PLCL1: variants seen among roughly 807,000 people sequenced by gnomAD.
The protein encoded by PLCL1 is inactive phospholipase C-like protein 1.
In PLCL1, 41 loss-of-function variants were observed where a neutral mutation model predicts 84.4. That is an observed-to-expected ratio of 0.49 (90% CI 0.38 to 0.63). The LOEUF (loss-of-function observed/expected upper bound fraction) is 0.63. Among genes scored for constraint, PLCL1 ranks in the 30% least tolerant of loss-of-function variants. The probability of loss-of-function intolerance (pLI) is 0.00; values close to 1 mark genes in which losing one functional copy is unlikely to be tolerated. For missense variants in PLCL1, 1,206 were observed against 1,367.8 expected, an observed-to-expected ratio of 0.88 and a Z score of 1.87; for synonymous variants, 490 against 488.3, an observed-to-expected ratio of 1.00 and a Z score of -0.05.
At chr2:197,848,998 C>T (rs1288490836) in intron 1 of PLCL1, among the ~76,000 whole-genome samples, 1 of 152,028 alleles carries the variant, frequency 6.6e-6, no homozygotes, top group Non-Finnish European at 1.5e-5. Context: ...TATTTTATGC[C>T]CTAGGTGCTA....
At chr2:197,932,611 C>T in intron 1 of PLCL1, among the ~76,000 whole-genome samples, 1 of 152,154 alleles carries the variant, frequency 6.6e-6, no homozygotes, top group Non-Finnish European at 1.5e-5. Context: ...TAAGTGAGAA[C>T]ATGCAGTGTC....
intron 5 of PLCL1, among the ~76,000 whole-genome samples, chr2:198,119,099 A>C (rs1397789559): frequency 6.6e-6 from 1 of 152,004 alleles, no homozygotes; most frequent in East Asian, 1.9e-4. Flanking sequence ...GCTAGATCTT[A>C]ACTTTGATTG....
At chr2:198,143,020 C>A (rs746099182) in intron 5 of PLCL1, among the ~76,000 whole-genome samples, 3 of 152,088 alleles carry the variant, frequency 2.0e-5, no homozygotes, top group Non-Finnish European at 2.9e-5. Flanking sequence ...AAAATGAATT[C>A]TCCTGGGGTT....
At chr2:197,915,115 C>T (rs1401093) in intron 1 of PLCL1, among the ~76,000 whole-genome samples, 73,756 of 151,728 alleles carry the variant, frequency 0.49, 18,726 homozygotes, top group East Asian at 0.77. Flanking sequence ...ATGCTCTGGA[C>T]AGTTTGCAGC....
At chr2:198,111,450 T>C (rs1693618763) in intron 5 of PLCL1, among the ~76,000 whole-genome samples, 1 of 151,880 alleles carries the variant, frequency 6.6e-6, no homozygotes, top group South Asian at 2.1e-4. Flanking sequence ...CAGATATTGG[T>C]AAATACAATC....
intron 5 of PLCL1, among the ~76,000 whole-genome samples, chr2:198,134,245 C>T (rs1456562765): frequency 2.0e-5 from 3 of 152,060 alleles, no homozygotes; most frequent in Non-Finnish European, 4.4e-5. Context: ...TAGGTCTTGA[C>T]TTTCCTTGCA....
At chr2:198,070,978 A>C in intron 1 of PLCL1, 43 of 723,150 alleles carry the variant, frequency 5.9e-5, no homozygotes, top group Middle Eastern at 7.1e-4. Context: ...CCCTTTTTCT[A>C]GAGATAACCA....
chr2:197,897,600 TTTAA>T lies in PLCL1; in HGVS notation c.240+92267_240+92270del, dbSNP rs141829428. Among the ~76,000 whole-genome samples, 745 of 152,340 alleles carry T rather than the reference TTTAA, an allele frequency of 4.9e-3. 27 individuals are homozygous for T. The highest frequency in any genetic ancestry group is 0.04 in the Admixed American group (612 of 15,304). Reference sequence around the variant, plus strand: ...AAAACAAACAAAAATTATTGTTTGCTTTAATTAATAAGATATTTATTTGTTAATG... The same window carrying T: ...AAAACAAACAAAAATTATTGTTTGCTTTAATAAGATATTTATTTGTTAATG... On this transcript the variant is annotated intron_variant, in intron 1 of 5. Transcript: ENST00000428675.
Position 197,920,266 on chromosome 2 carries a change from T to C in PLCL1, c.240+114927T>C, listed in dbSNP as rs145045054. 3.5e-3 allele frequency among the ~76,000 whole-genome samples: 534 copies of C among 152,050 alleles called. 4 individuals are homozygous for C. The highest frequency in any genetic ancestry group is 0.012 in the African/African-American group (491 of 41,494). ...TCCACAGACTGTCTCAGAATGCTCA[T>C]TGGAAGACTTGTGTGTATCATCTTT... On this transcript the variant is annotated intron_variant, in intron 1 of 5. Transcript: ENST00000428675.
At chr2:197,990,547 A>C (rs1320591846) in intron 1 of PLCL1, among the ~76,000 whole-genome samples, 1 of 152,212 alleles carries the variant, frequency 6.6e-6, no homozygotes, top group African/African-American at 2.4e-5. Flanking sequence ...GGCACATCTT[A>C]CATGGCGGCA....
chr2:197,899,789 C>T lies in PLCL1; in HGVS notation c.240+94450C>T, dbSNP rs571160214. Among the ~76,000 whole-genome samples, 88 of 151,776 alleles carry T rather than the reference C, an allele frequency of 5.8e-4. 4 individuals carry two copies. In the South Asian group the frequency reaches 0.014, roughly 24 times the overall value. On this transcript the variant is annotated intron_variant, in intron 1 of 5. Transcript: ENST00000428675. ...TAGCTGGGACTACAGGCGCCCGCTA[C>T]CACGCCCGGCTAATTTTTTGTATTT...
chr2:197,988,346 T>G (rs931835044), intron 1 of PLCL1, among the ~76,000 whole-genome samples: 2 of 152,214 alleles, frequency 1.3e-5, no homozygotes, highest in Non-Finnish European at 2.9e-5. Flanking sequence ...CAGTGTACAT[T>G]GTACCCAATA....
intron 1 of PLCL1, among the ~76,000 whole-genome samples, chr2:197,855,372 C>T (rs543808302): frequency 6.6e-4 from 101 of 152,264 alleles, no homozygotes; most frequent in Non-Finnish European, 1.3e-3. Flanking sequence ...GGTTTTTCTA[C>T]CAGTCCTGTT....
chr2:198,061,810 A>G (rs1046384503), intron 1 of PLCL1, among the ~76,000 whole-genome samples: 3 of 152,108 alleles, frequency 2.0e-5, no homozygotes, highest in African/African-American at 7.2e-5. Context: ...CGTGTCAGCC[A>G]GGATGGTCTC....
intron 1 of PLCL1, among the ~76,000 whole-genome samples, chr2:197,832,396 A>T (rs917889663): frequency 6.6e-6 from 1 of 152,220 alleles, no homozygotes; most frequent in Non-Finnish European, 1.5e-5. Context: ...AATAAACTAG[A>T]AATTCTAGAA....
At chr2:197,977,266 TCCCATTTCCCCCCG>T (rs1038014608) in intron 1 of PLCL1, among the ~76,000 whole-genome samples, 3 of 152,106 alleles carry the variant, frequency 2.0e-5, no homozygotes, top group Non-Finnish European at 2.9e-5. Flanking sequence ...CCTTGGATCT[TCCCATTTCCCCCCG>T]CCCCCTCACC....
At chr2:198,041,144 T>G (rs1311995309) in intron 1 of PLCL1, among the ~76,000 whole-genome samples, 1 of 152,198 alleles carries the variant, frequency 6.6e-6, no homozygotes, top group African/African-American at 2.4e-5. Context: ...CTTGACTGTT[T>G]TCTGCCTAAC....
At chr2:197,881,250 G>A (rs963872113) in intron 1 of PLCL1, among the ~76,000 whole-genome samples, 7 of 152,156 alleles carry the variant, frequency 4.6e-5, no homozygotes, top group African/African-American at 1.7e-4. Flanking sequence ...TGCGAGGCAA[G>A]TGTGCGACTT....
At chr2:197,880,233 A>AT (rs1006583357) in intron 1 of PLCL1, among the ~76,000 whole-genome samples, 4 of 151,942 alleles carry the variant, frequency 2.6e-5, no homozygotes, top group Non-Finnish European at 4.4e-5. Flanking sequence ...ATGAAATTAG[A>AT]TTTTTTTTCC....
Sources: allele counts gnomAD v4.1 joint callset (sites outside exome capture counted in the v4.1 genomes callset), GRCh38; gene constraint gnomAD v4.1.1; transcripts MANE v1.5; gene names NCBI Gene and HGNC (gene_info 2026-07-23, HGNC 2026-07-21).